Variants in HDHD2 observed in about 807,000 individuals in gnomAD.
HDHD2 encodes haloacid dehalogenase-like hydrolase domain-containing protein 2.
Under a neutral mutation model 24.8 loss-of-function variants are expected in HDHD2, and 26 were observed. The ratio of observed to expected loss-of-function variants is 1.05; its 90% CI spans 0.77 to 1.45. The LOEUF (loss-of-function observed/expected upper bound fraction) is 1.45, where lower values mean the gene tolerates loss of function less well. Ranked by LOEUF, HDHD2 falls within the 40% of genes most tolerant of loss-of-function variation. The probability of loss-of-function intolerance (pLI) is 0.00; values close to 1 mark genes in which losing one functional copy is unlikely to be tolerated. For missense variants in HDHD2, 299 were observed against 313.4 expected, an observed-to-expected ratio of 0.95 and a Z score of 0.35; for synonymous variants, 128 against 114.9, an observed-to-expected ratio of 1.11 and a Z score of -0.73.
intron 4 of HDHD2, among the ~76,000 whole-genome samples, chr18:47,124,238 C>A (rs2063634751): frequency 6.6e-6 from 1 of 152,106 alleles, no homozygotes; most frequent in African/African-American, 2.4e-5. Context: ...ATCTTCATCA[C>A]CTTGGGGTAA....
chr18:47,133,609 G>T (rs957286275), intron 3 of HDHD2, among the ~76,000 whole-genome samples: 4 of 151,948 alleles, frequency 2.6e-5, no homozygotes, highest in Non-Finnish European at 4.4e-5. Context: ...GTGTAAAAGT[G>T]TTTCTATTTC....
intron 2 of HDHD2, among the ~76,000 whole-genome samples, chr18:47,135,656 T>C (rs1421379812): frequency 6.6e-6 from 1 of 152,228 alleles, no homozygotes; most frequent in Non-Finnish European, 1.5e-5. Flanking sequence ...TTTTGAAAAC[T>C]TCTCTAAATT....
At chr18:47,144,810 AAAAAG>A (rs1334723428) in intron 1 of HDHD2, among the ~76,000 whole-genome samples, 8 of 151,006 alleles carry the variant, frequency 5.3e-5, no homozygotes, top group African/African-American at 1.5e-4. Context: ...AAAAAAAAAA[AAAAAG>A]AAAAGAAAAG....
At position 47,150,434 on chromosome 18, in the gene HDHD2, C is replaced by A. The variant is rs1751689455; in HGVS notation, c.-67G>T. 6.6e-6 allele frequency: 1 copy of A among 152,520 alleles called. No homozygotes were observed. The highest frequency in any genetic ancestry group is 2.1e-4 in the South Asian group (1 of 4,836). 9.4% of individuals were successfully genotyped at this position (152,520 alleles called of 1,614,324 possible). A position where few individuals can be genotyped will look rare whatever the true frequency, so the allele number is the denominator to read the frequency against. On this transcript the variant is annotated 5_prime_UTR_variant, in exon 1 of 7. Transcript: ENST00000300605. ...CCCCGCTAATGGCAAAGCCAGCCAC[C>A]CGCACTGGCCGCGGGTCCTCAGCCG...
At chr18:47,137,199 A>T in intron 1 of HDHD2, 1 of 671,680 alleles carries the variant, frequency 1.5e-6, no homozygotes, top group South Asian at 1.4e-5. Flanking sequence ...ATGAGATTCC[A>T]ATTTGATGGG....
intron 4 of HDHD2, among the ~76,000 whole-genome samples, chr18:47,129,767 G>A (rs115098684): frequency 0.02 from 3,073 of 152,222 alleles, 89 homozygotes; most frequent in African/African-American, 0.07. Context: ...AATCATAGGA[G>A]TAATAATAAA....
At position 47,130,338 on chromosome 18, in the gene HDHD2, GAAA is replaced by G; in HGVS notation, c.311-13_311-11del. ...TCACTTGTTTGTATTCCTGGGAACG[GAAA>G]AAAAAAATGATTGTTGCAAATGCAA... On this transcript the variant is annotated splice_polypyrimidine_tract_variant and intron_variant, in intron 3 of 6. Coordinates refer to ENST00000300605, the MANE Select transcript of HDHD2 (RefSeq NM_032124.5). 1 of 1,412,920 alleles carries G rather than the reference GAAA, an allele frequency of 7.1e-7. No homozygotes were observed. Among genetic ancestry groups the G allele is most frequent in the Non-Finnish European group, 9.6e-7 (1 of 1,045,552 alleles). 87.5% of individuals were successfully genotyped at this position (1,412,920 alleles called of 1,614,324 possible).
At chr18:47,148,168 T>C (rs2063892451) in intron 1 of HDHD2, among the ~76,000 whole-genome samples, 1 of 152,062 alleles carries the variant, frequency 6.6e-6, no homozygotes, top group Non-Finnish European at 1.5e-5. Context: ...TTTTTGTACT[T>C]TTAGTAGAGA....
chr18:47,148,797 C>G (rs369939200), intron 1 of HDHD2, among the ~76,000 whole-genome samples: 31 of 152,210 alleles, frequency 2.0e-4, no homozygotes, highest in Non-Finnish European at 4.1e-4. Context: ...ATTTAAACAA[C>G]TTCTTAATTG....
chr18:47,125,135 C>A lies in HDHD2; in HGVS notation c.395+5109G>T, dbSNP rs950804446. On this transcript the variant is annotated intron_variant, in intron 4 of 6. Coordinates refer to ENST00000300605, the MANE Select transcript of HDHD2 (RefSeq NM_032124.5). Reference sequence around the variant, plus strand: ...TATGATAGTGCCACTGCACTCTAGCCTGGGTGACAGAGCAAGACCCTGTCT... The same window carrying A: ...TATGATAGTGCCACTGCACTCTAGCATGGGTGACAGAGCAAGACCCTGTCT... Among the ~76,000 whole-genome samples, 3 of 151,978 alleles carry A rather than the reference C, an allele frequency of 2.0e-5. No individual in the cohort carries two copies. In the South Asian group the frequency reaches 6.2e-4, roughly 32 times the overall value.
chr18:47,117,937 T>C (rs897846248), intron 4 of HDHD2, among the ~76,000 whole-genome samples: 2 of 151,984 alleles, frequency 1.3e-5, no homozygotes, highest in Admixed American at 6.5e-5. Context: ...GAATACTAGA[T>C]TGGTTTTTGG....
chr18:47,139,770 A>ATTGC (rs2063803314), intron 1 of HDHD2, among the ~76,000 whole-genome samples: 2 of 152,168 alleles, frequency 1.3e-5, no homozygotes, highest in Admixed American at 1.3e-4. Flanking sequence ...TGCAGAACTG[A>ATTGC]TTGCTTGCTT....
intron 1 of HDHD2, among the ~76,000 whole-genome samples, chr18:47,139,516 G>T (rs1207816469): frequency 1.4e-5 from 2 of 145,802 alleles, no homozygotes; most frequent in African/African-American, 5.0e-5. Context: ...ATTGATAAAT[G>T]TAAGTAAGTG....
chr18:47,149,554 C>T (rs1312545928), intron 1 of HDHD2, among the ~76,000 whole-genome samples: 2 of 152,150 alleles, frequency 1.3e-5, no homozygotes, highest in African/African-American at 4.8e-5. Flanking sequence ...TCTACTAGCA[C>T]CCAAGTTCCA....
At chr18:47,111,585 C>T (rs1481088861) in intron 6 of HDHD2, 9 of 985,224 alleles carry the variant, frequency 9.1e-6, no homozygotes, top group Non-Finnish European at 9.6e-6. Flanking sequence ...AGGGCTGTTA[C>T]GTTCCTGGGA....
intron 3 of HDHD2, 98 bp downstream of exon 3, chr18:47,134,398 G>T: frequency 2.3e-6 from 2 of 857,168 alleles, no homozygotes; most frequent in East Asian, 2.6e-5. Context: ...CAAGAAAAAC[G>T]GGGAAATCAG....
At position 47,108,404 on chromosome 18, in the gene HDHD2, C is replaced by G. The variant is rs929462970; in HGVS notation, c.*278G>C. 6.9e-6 allele frequency: 2 copies of G among 291,356 alleles called. No individual in the cohort carries two copies. Among genetic ancestry groups the G allele is most frequent in the Non-Finnish European group, 1.3e-5 (2 of 159,230 alleles). 18.0% of individuals were successfully genotyped at this position (291,356 alleles called of 1,614,324 possible). ...CCCTGTAGTAGCTTTTCCCCCACAGCCCCACCTAACCTGATGAATATTTTA... is the reference window on the plus strand; with the variant it reads ...CCCTGTAGTAGCTTTTCCCCCACAGGCCCACCTAACCTGATGAATATTTTA... On this transcript the variant is annotated 3_prime_UTR_variant, in exon 7 of 7. Coordinates refer to ENST00000300605, the MANE Select transcript of HDHD2 (RefSeq NM_032124.5).
chr18:47,132,407 C>T (rs2063722060), intron 3 of HDHD2, among the ~76,000 whole-genome samples: 1 of 152,000 alleles, frequency 6.6e-6, no homozygotes, highest in Non-Finnish European at 1.5e-5. Context: ...AATGAATAAC[C>T]TTGTTCATGT....
chr18:47,112,367 T>G (rs2063522349), intron 6 of HDHD2, among the ~76,000 whole-genome samples: 5 of 152,024 alleles, frequency 3.3e-5, no homozygotes, highest in Admixed American at 3.3e-4. Context: ...CCAAGGCACT[T>G]AACCAGTCTA....
Sources: gnomAD v4.1 joint callset for allele counts (sites outside exome capture counted in the v4.1 genomes callset) on GRCh38, gnomAD v4.1.1 for gene constraint, MANE v1.5 for transcripts, NCBI Gene and HGNC (gene_info 2026-07-23, HGNC 2026-07-21) for gene names.